The following SLF1 variants were observed in gnomAD, a reference collection of about 807,000 sequenced individuals.
The protein encoded by SLF1 is SMC5/6 complex localization factor 1, also known as SMC5-SMC6 complex localization factor protein 1.
A neutral mutation model predicts 123.0 loss-of-function variants in SLF1; 105 were observed. The observed-to-expected ratio is 0.85, with a 90% CI of 0.73 to 1.00. The LOEUF is 1.00. Among genes scored for constraint, SLF1 ranks in the 50% least tolerant of loss-of-function variants. The pLI is 0.00. For synonymous variants in SLF1, 434 were observed against 406.6 expected (o/e 1.07, Z -0.81); for missense variants, 1,239 against 1,223.0 (o/e 1.01, Z -0.20).
intron 8 of SLF1, among the ~76,000 whole-genome samples, chr5:94,654,378 A>G (rs1748122998): frequency 6.7e-6 from 1 of 150,030 alleles, no homozygotes; most frequent in Admixed American, 6.8e-5. Context: ...GCAGGAGCAA[A>G]TAAAAAGAGT....
Position 94,695,297 on chromosome 5 carries a change from C to T in SLF1, c.3162C>T (p.Val1054=), listed in dbSNP as rs1753450151. The T allele has an allele frequency of 6.2e-7, 1 of 1,605,544 alleles. No individual in the cohort carries two copies. The highest frequency in any genetic ancestry group is 1.3e-5 in the African/African-American group (1 of 74,454). Residue 1054 remains valine (V), a synonymous_variant, in exon 21 of 21, where the codon GTC becomes GTT. Coordinates refer to ENST00000265140, the MANE Select transcript of SLF1 (RefSeq NM_032290.4). ...MITLEMMCRS[V]MEFS is the part of the protein sequence containing the mutation. Reference sequence around the variant, plus strand: ...CATTGGAAATGATGTGTCGGTCAGTCATGGAGTTTTCATGATGATGCTAGA... The same window carrying T: ...CATTGGAAATGATGTGTCGGTCAGTTATGGAGTTTTCATGATGATGCTAGA...
intron 9 of SLF1, among the ~76,000 whole-genome samples, chr5:94,661,207 G>A (rs893831360): frequency 6.6e-6 from 1 of 152,216 alleles, no homozygotes; most frequent in African/African-American, 2.4e-5. Flanking sequence ...CTCTGGGCCA[G>A]TGAGGACTAA....
At chr5:94,633,756 G>A (rs538231861) in intron 4 of SLF1, among the ~76,000 whole-genome samples, 24 of 152,268 alleles carry the variant, frequency 1.6e-4, no homozygotes, top group African/African-American at 5.5e-4. Context: ...TCATATACTA[G>A]CAAAGAACAA....
chr5:94,672,735 A>G (rs1351402578), intron 14 of SLF1, among the ~76,000 whole-genome samples: 1 of 152,134 alleles, frequency 6.6e-6, no homozygotes, highest in African/African-American at 2.4e-5. Flanking sequence ...TTAACATGGC[A>G]ATGACATTTA....
At position 94,689,561 on chromosome 5, in the gene SLF1, C is replaced by G. The variant is rs753091820; in HGVS notation, c.2374C>G (p.Pro792Ala). The change falls in exon 18 of 21, where the codon CCC (proline) becomes GCC (alanine). Residue 792 changes from proline (P) to alanine (A), a missense_variant. Coordinates refer to ENST00000265140, the MANE Select transcript of SLF1 (RefSeq NM_032290.4). ...GELSCSKENC[P>A]SVVKKMNFHK... ...ATTGTCATGTTCCAAGGAGAATTGC[C>G]CCTCTGTAGTTAAAAAGATGAATTT... The G allele has an allele frequency of 6.2e-7, 1 of 1,610,302 alleles. No individual in the cohort carries two copies. Among genetic ancestry groups the G allele is most frequent in the East Asian group, 2.2e-5 (1 of 44,764 alleles).
At chr5:94,680,091 CAT>C (rs1362551035) in intron 15 of SLF1, among the ~76,000 whole-genome samples, 1 of 152,114 alleles carries the variant, frequency 6.6e-6, no homozygotes, top group Admixed American at 6.5e-5. Context: ...CTCTGCTACA[CAT>C]GTGTTTCAGT....
At chr5:94,670,341 T>C in intron 13 of SLF1, 62 bp downstream of exon 13, 1 of 1,202,216 alleles carries the variant, frequency 8.3e-7, no homozygotes, top group Non-Finnish European at 1.1e-6. Flanking sequence ...GCACCATTTT[T>C]TTTTTACAAT....
At chr5:94,650,523 T>G (rs1403814979) in intron 6 of SLF1, among the ~76,000 whole-genome samples, 7 of 152,050 alleles carry the variant, frequency 4.6e-5, no homozygotes, top group Non-Finnish European at 7.4e-5. Flanking sequence ...CCATTGCGCC[T>G]GGCTAATTTT....
chr5:94,693,630 T>C (rs761858681), intron 20 of SLF1, among the ~76,000 whole-genome samples: 3 of 152,158 alleles, frequency 2.0e-5, no homozygotes, highest in East Asian at 1.9e-4. Flanking sequence ...TTGACACTTA[T>C]ATTGAAGTAA....
At chr5:94,668,500 A>ATT (rs200379357) in intron 12 of SLF1, among the ~76,000 whole-genome samples, 1 of 151,170 alleles carries the variant, frequency 6.6e-6, no homozygotes, top group African/African-American at 2.4e-5. Flanking sequence ...CGCCTTGCTG[A>ATT]TTTTTTTTTG....
chr5:94,651,972 GCATTAC>G (rs1747777982), intron 7 of SLF1, 127 bp downstream of exon 7: 1 of 395,170 alleles, frequency 2.5e-6, no homozygotes, highest in Non-Finnish European at 4.1e-6. Context: ...AAGAAATAGA[GCATTAC>G]CAGTTTTTAA....
intron 1 of SLF1, among the ~76,000 whole-genome samples, chr5:94,627,514 A>T (rs1453825302): frequency 6.7e-6 from 1 of 149,618 alleles, no homozygotes; most frequent in African/African-American, 2.5e-5. Flanking sequence ...AAATAAACTT[A>T]GATTTTTTTT....
chr5:94,682,771 A>C (rs954099634), intron 15 of SLF1, among the ~76,000 whole-genome samples: 1 of 152,196 alleles, frequency 6.6e-6, no homozygotes, highest in Non-Finnish European at 1.5e-5. Context: ...TTTAAGCTCA[A>C]ATTATCTGAA....
intron 14 of SLF1, among the ~76,000 whole-genome samples, chr5:94,674,140 ATTTC>A (rs1262518491): frequency 2.6e-5 from 4 of 152,146 alleles, no homozygotes; most frequent in African/African-American, 9.6e-5. Context: ...GATAGAAAAT[ATTTC>A]TTCATTATAG....
At chr5:94,668,332 AGTTT>A (rs948880154) in intron 12 of SLF1, among the ~76,000 whole-genome samples, 21 of 151,292 alleles carry the variant, frequency 1.4e-4, no homozygotes, top group African/African-American at 2.9e-4. Context: ...TTGTGGTTGT[AGTTT>A]GTTTGTTTGT....
chr5:94,648,331 C>T (rs1344513248), intron 5 of SLF1, among the ~76,000 whole-genome samples: 1 of 152,184 alleles, frequency 6.6e-6, no homozygotes, highest in Non-Finnish European at 1.5e-5. Context: ...CTAAAAGGAA[C>T]GGCCCTCATT....
At chr5:94,619,083 G>T (rs1449973784) in intron 1 of SLF1, among the ~76,000 whole-genome samples, 1 of 152,078 alleles carries the variant, frequency 6.6e-6, no homozygotes, top group Non-Finnish European at 1.5e-5. Flanking sequence ...TTCTGCTTGC[G>T]CAGCTCTGCC....
At position 94,663,903 on chromosome 5, in the gene SLF1, CT is replaced by C; in HGVS notation, c.1364del (p.Leu455HisfsTer5). 1.3e-6 allele frequency: 2 copies of C among 1,526,224 alleles called. No homozygotes were observed. Among genetic ancestry groups the C allele is most frequent in the Non-Finnish European group, 1.8e-6 (2 of 1,139,292 alleles). 94.5% of individuals were successfully genotyped at this position (1,526,224 alleles called of 1,614,324 possible). A position where few individuals can be genotyped will look rare whatever the true frequency, so the allele number is the denominator to read the frequency against. ...CVLHALLENV[L>X]QDNIDTFSGR... ...TCTTCATGCCCTTCTAGAGAACGTT[CT>C]ACAGGTAAGAGCAGCCTTAAGGATT... On this transcript the variant is annotated frameshift_variant, in exon 11 of 21. Coordinates refer to ENST00000265140, the MANE Select transcript of SLF1 (RefSeq NM_032290.4). LOFTEE classifies it high-confidence loss of function.
At chr5:94,628,970 A>G (rs559208685) in intron 2 of SLF1, 46 bp downstream of exon 2, 24 of 1,451,502 alleles carry the variant, frequency 1.7e-5, no homozygotes, top group Non-Finnish European at 2.1e-5. Flanking sequence ...AAAAATAACT[A>G]CAATTCAAAT....
Sources: allele counts gnomAD v4.1 joint callset (sites outside exome capture counted in the v4.1 genomes callset), GRCh38; gene constraint gnomAD v4.1.1; transcripts MANE v1.5; gene names NCBI Gene and HGNC (gene_info 2026-07-23, HGNC 2026-07-21).